MLIP: variants seen among roughly 807,000 people sequenced by gnomAD.
MLIP encodes the protein muscular LMNA interacting protein.
Under a neutral mutation model 84.8 loss-of-function variants are expected in MLIP, and 79 were observed. The observed-to-expected ratio is 0.93, with a 90% CI of 0.78 to 1.12. The LOEUF (loss-of-function observed/expected upper bound fraction) is 1.12, where lower values mean the gene tolerates loss of function less well. Ranked by LOEUF, MLIP falls within the 50% of genes most tolerant of loss-of-function variation. The pLI, the probability that MLIP is intolerant of heterozygous loss-of-function variation, is 0.00. For synonymous variants in MLIP, 504 were observed against 463.0 expected (o/e 1.09, Z -1.14); for missense variants, 1,257 against 1,160.6 (o/e 1.08, Z -1.21).
At chr6:54,023,180 A>AT (rs1352364811) in intron 1 of MLIP, among the ~76,000 whole-genome samples, 9 of 99,960 alleles carry the variant, frequency 9.0e-5, no homozygotes, top group South Asian at 2.7e-4. Context: ...AAATAATAAT[A>AT]ATAATAATAA....
chr6:54,213,722 A>C (rs1434385825), intron 11 of MLIP, among the ~76,000 whole-genome samples: 5 of 122,808 alleles, frequency 4.1e-5, no homozygotes, highest in African/African-American at 1.8e-4. Context: ...AAAAAAAAAA[A>C]AAAAAAAAAA....
chr6:54,061,064 A>T (rs1007111791), intron 1 of MLIP, among the ~76,000 whole-genome samples: 5 of 151,828 alleles, frequency 3.3e-5, no homozygotes, highest in African/African-American at 1.2e-4. Flanking sequence ...GGACAATGGT[A>T]AAAAGCTTAC....
chr6:54,192,469 G>A (rs1441718126), intron 10 of MLIP, among the ~76,000 whole-genome samples: 1 of 151,886 alleles, frequency 6.6e-6, no homozygotes. Flanking sequence ...TAAGGAATTA[G>A]AATATTTTTA....
chr6:54,209,707 G>T (rs370075300), intron 11 of MLIP, among the ~76,000 whole-genome samples: 2 of 152,046 alleles, frequency 1.3e-5, no homozygotes, highest in East Asian at 3.9e-4. Flanking sequence ...TTAGAGGGAA[G>T]ATCCTCATTT....
At chr6:54,241,675 A>C (rs184994107) in intron 12 of MLIP, among the ~76,000 whole-genome samples, 1 of 152,188 alleles carries the variant, frequency 6.6e-6, no homozygotes, top group Non-Finnish European at 1.5e-5. Context: ...GTTTTTGCTA[A>C]AAAAGATGAA....
rs766239927 is a variant in MLIP at position 54,257,311 on chromosome 6, A to G, written c.2926A>G (p.Ser976Gly). Residue 976 changes from serine (S) to glycine (G), a missense_variant, in exon 13 of 14, where the codon AGT becomes GGT. Transcript: ENST00000502396. ...LLSHNACNKLSHPMVAIPEHE... is the reference protein window; with the variant it reads ...LLSHNACNKLGHPMVAIPEHE... ...CCTGGGCATCTTTTCTGTGAAGCTG[A>G]GTCATCCAATGGTGGCTATTCCTGA... The G allele has an allele frequency of 6.2e-7, 1 of 1,611,996 alleles. No homozygotes were observed. The highest frequency in any genetic ancestry group is 8.5e-7 in the Non-Finnish European group (1 of 1,178,626).
chr6:54,206,216 G>T (rs973680234), intron 11 of MLIP, among the ~76,000 whole-genome samples: 1 of 151,960 alleles, frequency 6.6e-6, no homozygotes, highest in African/African-American at 2.4e-5. Context: ...AAGATTTTTG[G>T]TTTAATATAA....
chr6:54,192,301 TA>T (rs551366547), intron 10 of MLIP, among the ~76,000 whole-genome samples: 3 of 151,026 alleles, frequency 2.0e-5, no homozygotes, highest in South Asian at 2.1e-4. Context: ...CATATCACAT[TA>T]AAAAAAAATC....
chr6:54,113,745 A>G (rs1769673237), intron 1 of MLIP, among the ~76,000 whole-genome samples: 1 of 152,140 alleles, frequency 6.6e-6, no homozygotes, highest in Non-Finnish European at 1.5e-5. Flanking sequence ...AAACTCTCAT[A>G]TCATATTATG....
At chr6:54,208,370 G>A (rs1418067435) in intron 11 of MLIP, among the ~76,000 whole-genome samples, 3 of 152,114 alleles carry the variant, frequency 2.0e-5, no homozygotes, top group African/African-American at 4.8e-5. Flanking sequence ...AGGATTGCTT[G>A]AGCCCAGGAG....
intron 11 of MLIP, among the ~76,000 whole-genome samples, chr6:54,222,248 C>G (rs1780269798): frequency 6.6e-6 from 1 of 151,982 alleles, no homozygotes; most frequent in Non-Finnish European, 1.5e-5. Flanking sequence ...TCTTAGCAAT[C>G]AAGCCTACAG....
At chr6:54,183,226 C>T (rs943678206) in intron 9 of MLIP, among the ~76,000 whole-genome samples, 14 of 152,138 alleles carry the variant, frequency 9.2e-5, no homozygotes, top group African/African-American at 2.2e-4. Context: ...GATCTTAGGA[C>T]GAGAGGTGAA....
chr6:54,118,432 T>G (rs1770146598), intron 1 of MLIP, among the ~76,000 whole-genome samples: 1 of 152,174 alleles, frequency 6.6e-6, no homozygotes, highest in Non-Finnish European at 1.5e-5. Flanking sequence ...TGGGGAAAAG[T>G]CAGTCTCTTC....
chr6:54,227,867 AT>A (rs1780687086), intron 11 of MLIP, among the ~76,000 whole-genome samples: 1 of 152,162 alleles, frequency 6.6e-6, no homozygotes, highest in Non-Finnish European at 1.5e-5. Flanking sequence ...AACCAAAAAA[AT>A]GTAAGACACA....
chr6:54,231,613 G>A (rs1208706080), intron 12 of MLIP, among the ~76,000 whole-genome samples: 1 of 152,110 alleles, frequency 6.6e-6, no homozygotes. Flanking sequence ...AGTGCCCTTT[G>A]CTCTTCTGAT....
chr6:54,179,036 C>T (rs1388607005), intron 9 of MLIP, among the ~76,000 whole-genome samples: 2 of 152,102 alleles, frequency 1.3e-5, no homozygotes, highest in African/African-American at 4.8e-5. Context: ...CTATGTCTCT[C>T]TTTAGCTCTA....
intron 5 of MLIP, among the ~76,000 whole-genome samples, chr6:54,150,038 A>C (rs368217001): frequency 1.3e-5 from 2 of 152,280 alleles, no homozygotes; most frequent in East Asian, 3.9e-4. Flanking sequence ...ATCATTTATC[A>C]AAACGTTGTT....
intron 12 of MLIP, among the ~76,000 whole-genome samples, chr6:54,247,166 C>T (rs1369901639): frequency 1.3e-5 from 2 of 152,094 alleles, no homozygotes; most frequent in African/African-American, 4.8e-5. Flanking sequence ...TATAAAATCC[C>T]AGGTGATATC....
At chr6:54,160,169 A>T (rs138124529) in intron 5 of MLIP, among the ~76,000 whole-genome samples, 198 bp from the exon 6 acceptor site, 9 of 152,200 alleles carry the variant, frequency 5.9e-5, no homozygotes, top group African/African-American at 2.2e-4. Flanking sequence ...CTTATACAAA[A>T]ATTTACTCAA....
Sources: allele counts gnomAD v4.1 joint callset (sites outside exome capture counted in the v4.1 genomes callset), GRCh38; gene constraint gnomAD v4.1.1; transcripts MANE v1.5; gene names NCBI Gene and HGNC (gene_info 2026-07-23, HGNC 2026-07-21).